Variants in PHACTR1 observed in about 807,000 individuals in gnomAD.
The protein encoded by PHACTR1 is RPEL repeat containing 1.
PHACTR1 carries 16 observed loss-of-function variants against 69.2 expected under a neutral mutation model. The ratio of observed to expected loss-of-function variants is 0.23; its 90% CI spans 0.16 to 0.35. The LOEUF is 0.35. Among genes scored for constraint, PHACTR1 ranks in the 10% least tolerant of loss-of-function variants. The probability of loss-of-function intolerance (pLI) is 1.00; values close to 1 mark genes in which losing one functional copy is unlikely to be tolerated. For synonymous variants in PHACTR1, 312 were observed against 284.5 expected, an observed-to-expected ratio of 1.10 and a Z score of -0.97; for missense variants, 510 against 734.7, an observed-to-expected ratio of 0.69 and a Z score of 3.54.
At chr6:13,198,193 C>T (rs991534533) in intron 7 of PHACTR1, among the ~76,000 whole-genome samples, 6 of 152,146 alleles carry the variant, frequency 3.9e-5, no homozygotes, top group African/African-American at 1.4e-4. Flanking sequence ...TAGCCACGCT[C>T]AGTGAAATTT....
intron 4 of PHACTR1, among the ~76,000 whole-genome samples, chr6:12,821,290 C>T (rs767907623): frequency 6.6e-6 from 1 of 151,918 alleles, no homozygotes; most frequent in African/African-American, 2.4e-5. Flanking sequence ...GGTGAAACCC[C>T]GTCTCTACTA....
At chr6:13,139,201 T>A (rs1009172254) in intron 5 of PHACTR1, among the ~76,000 whole-genome samples, 1 of 151,748 alleles carries the variant, frequency 6.6e-6, no homozygotes, top group Non-Finnish European at 1.5e-5. Context: ...TTCCTTTGGG[T>A]CTTCTACAAC....
At chr6:13,074,516 G>T (rs144323632) in intron 5 of PHACTR1, among the ~76,000 whole-genome samples, 2 of 152,248 alleles carry the variant, frequency 1.3e-5, no homozygotes, top group East Asian at 3.9e-4. Context: ...TCATCAACCT[G>T]GCAAAGGATA....
chr6:12,788,040 C>G (rs910512520), intron 4 of PHACTR1, among the ~76,000 whole-genome samples: 2 of 152,072 alleles, frequency 1.3e-5, no homozygotes, highest in Non-Finnish European at 2.9e-5. Context: ...CGCCTGTAGT[C>G]CCAGCTACTC....
At chr6:13,119,940 C>A (rs142209084) in intron 5 of PHACTR1, among the ~76,000 whole-genome samples, 1 of 152,100 alleles carries the variant, frequency 6.6e-6, no homozygotes, top group African/African-American at 2.4e-5. Flanking sequence ...CAACTCAAAC[C>A]CACCTTTATT....
intron 4 of PHACTR1, among the ~76,000 whole-genome samples, chr6:12,782,892 A>C (rs565518985): frequency 6.6e-6 from 1 of 152,196 alleles, no homozygotes; most frequent in Admixed American, 6.5e-5. Flanking sequence ...GCCACTGGAA[A>C]CTCAGTTGGG....
chr6:12,914,943 A>G (rs929249845), intron 4 of PHACTR1, among the ~76,000 whole-genome samples: 1 of 152,216 alleles, frequency 6.6e-6, no homozygotes, highest in East Asian at 1.9e-4. Flanking sequence ...GAGCTGATCA[A>G]CAGTCACTCG....
chr6:13,130,058 G>A (rs1011469634), intron 5 of PHACTR1, among the ~76,000 whole-genome samples: 3 of 152,018 alleles, frequency 2.0e-5, no homozygotes, highest in African/African-American at 7.3e-5. Flanking sequence ...AATGCTCTTT[G>A]GGTCAACAAT....
At chr6:12,974,805 G>C (rs759750581) in intron 4 of PHACTR1, among the ~76,000 whole-genome samples, 22 of 152,198 alleles carry the variant, frequency 1.4e-4, no homozygotes, top group Non-Finnish European at 2.6e-4. Flanking sequence ...AATACCAGCA[G>C]GGATTTGGGG....
intron 4 of PHACTR1, among the ~76,000 whole-genome samples, chr6:12,826,428 A>G (rs1776808068): frequency 6.6e-6 from 1 of 152,218 alleles, no homozygotes; most frequent in Admixed American, 6.5e-5. Context: ...TTTAGCAACA[A>G]TTCCCAATGT....
intron 5 of PHACTR1, among the ~76,000 whole-genome samples, chr6:13,130,221 G>A: frequency 6.6e-6 from 1 of 151,886 alleles, no homozygotes. Flanking sequence ...ACAATCTAAT[G>A]TCATACCACA....
At chr6:12,880,230 CTTTTTT>C (rs61160052) in intron 4 of PHACTR1, among the ~76,000 whole-genome samples, 4 of 107,766 alleles carry the variant, frequency 3.7e-5, no homozygotes, top group Admixed American at 9.8e-5. Flanking sequence ...ACTTTTTTTT[CTTTTTT>C]TTTTTTTTTT....
At chr6:12,790,932 A>G (rs1772193878) in intron 4 of PHACTR1, among the ~76,000 whole-genome samples, 1 of 152,156 alleles carries the variant, frequency 6.6e-6, no homozygotes, top group Non-Finnish European at 1.5e-5. Flanking sequence ...GGGAAGACTA[A>G]TTTCCCCCTT....
At chr6:13,265,684 C>T (rs1408001542) in intron 10 of PHACTR1, among the ~76,000 whole-genome samples, 2 of 152,134 alleles carry the variant, frequency 1.3e-5, no homozygotes, top group African/African-American at 4.8e-5. Context: ...TTGCAACCTT[C>T]GACTCCACTT....
intron 4 of PHACTR1, among the ~76,000 whole-genome samples, chr6:13,028,615 A>G (rs116248199): frequency 7.2e-5 from 11 of 152,134 alleles, no homozygotes; most frequent in African/African-American, 2.7e-4. Flanking sequence ...ATGCTGGATA[A>G]TTCTTTACTA....
At chr6:12,914,335 C>T (rs1334140248) in intron 4 of PHACTR1, among the ~76,000 whole-genome samples, 1 of 152,194 alleles carries the variant, frequency 6.6e-6, no homozygotes, top group Admixed American at 6.5e-5. Context: ...TAGGTCTCCT[C>T]CTACCTCTGA....
At chr6:12,765,552 C>G (rs1019033502) in intron 4 of PHACTR1, among the ~76,000 whole-genome samples, 2 of 152,102 alleles carry the variant, frequency 1.3e-5, no homozygotes, top group African/African-American at 4.8e-5. Context: ...CTACAAACAT[C>G]TTCATATATC....
chr6:12,735,381 A>C (rs1764108351), intron 3 of PHACTR1, among the ~76,000 whole-genome samples: 1 of 152,198 alleles, frequency 6.6e-6, no homozygotes. Context: ...TCAGTGTAGG[A>C]AGTGACTACA....
At chr6:13,140,677 G>A (rs949823014) in intron 5 of PHACTR1, among the ~76,000 whole-genome samples, 10 of 152,120 alleles carry the variant, frequency 6.6e-5, no homozygotes, top group Admixed American at 1.3e-4. Flanking sequence ...CAAAGTTTTC[G>A]TTTTACAAGT....
Sources: allele counts gnomAD v4.1 joint callset (sites outside exome capture counted in the v4.1 genomes callset), GRCh38; gene constraint gnomAD v4.1.1; transcripts MANE v1.5; gene names NCBI Gene and HGNC (gene_info 2026-07-23, HGNC 2026-07-21).